The following WIPF2 variants were observed in gnomAD, a reference collection of about 807,000 sequenced individuals.
The protein encoded by WIPF2 is WAS/WASL interacting protein family member 2.
WIPF2 carries 23 observed loss-of-function variants against 38.8 expected under a neutral mutation model. The ratio of observed to expected loss-of-function variants is 0.59; its 90% CI spans 0.43 to 0.84. The LOEUF (loss-of-function observed/expected upper bound fraction) is 0.84. WIPF2 is among the 40% of genes least tolerant of loss of function. The pLI is 0.00. For missense variants in WIPF2, 574 were observed against 580.5 expected (o/e 0.99, Z 0.11); for synonymous variants, 210 against 223.2 (o/e 0.94, Z 0.53).
chr17:40,224,497 C>T (rs1374238492), intron 1 of WIPF2, among the ~76,000 whole-genome samples: 3 of 149,696 alleles, frequency 2.0e-5, no homozygotes, highest in Non-Finnish European at 3.0e-5. Flanking sequence ...CCACCCGCCT[C>T]GGCCTCCCAA....
At chr17:40,260,376 G>C (rs1214809047) in intron 2 of WIPF2, among the ~76,000 whole-genome samples, 159 bp from the exon 3 acceptor site, 1 of 151,426 alleles carries the variant, frequency 6.6e-6, no homozygotes, top group African/African-American at 2.4e-5. Context: ...TAGTAGAGAT[G>C]GGGTTTCACC....
At chr17:40,256,787 T>C (rs1598486858) in intron 2 of WIPF2, among the ~76,000 whole-genome samples, 1 of 152,288 alleles carries the variant, frequency 6.6e-6, no homozygotes, top group South Asian at 2.1e-4. Flanking sequence ...AGTCCATCTT[T>C]TTCAGCTGGT....
intron 5 of WIPF2, among the ~76,000 whole-genome samples, chr17:40,268,274 C>T (rs936381501): frequency 6.6e-6 from 1 of 152,228 alleles, no homozygotes; most frequent in African/African-American, 2.4e-5. Flanking sequence ...ATAGGGCAGC[C>T]AAACAGTGGC....
intron 1 of WIPF2, among the ~76,000 whole-genome samples, chr17:40,226,243 G>A (rs1341721436): frequency 2.0e-5 from 3 of 148,654 alleles, no homozygotes; most frequent in Admixed American, 6.8e-5. Flanking sequence ...TCGTTCTGTC[G>A]GCCAGTCTGG....
intron 1 of WIPF2, among the ~76,000 whole-genome samples, chr17:40,227,831 A>G (rs1040309657): frequency 6.6e-6 from 1 of 151,990 alleles, no homozygotes. Flanking sequence ...CCTGGGTGAC[A>G]GAGCAAGACT....
chr17:40,252,039 C>G (rs193267800), intron 1 of WIPF2, among the ~76,000 whole-genome samples: 4 of 152,292 alleles, frequency 2.6e-5, no homozygotes, highest in Admixed American at 1.3e-4. Flanking sequence ...ATCCTCCCTT[C>G]TTGGCCCCCT....
chr17:40,246,619 A>C (rs192486392), intron 1 of WIPF2, among the ~76,000 whole-genome samples: 1 of 148,298 alleles, frequency 6.7e-6, no homozygotes, highest in Non-Finnish European at 1.5e-5. Context: ...TTGGTCTTGA[A>C]CTCCTGACCT....
At chr17:40,266,366 T>A (rs1379111733) in intron 5 of WIPF2, among the ~76,000 whole-genome samples, 1 of 150,928 alleles carries the variant, frequency 6.6e-6, no homozygotes, top group African/African-American at 2.4e-5. Flanking sequence ...AAACCAAGAA[T>A]GTGATGGAAA....
chr17:40,261,959 C>T (rs1404707643), intron 3 of WIPF2, among the ~76,000 whole-genome samples: 5 of 152,042 alleles, frequency 3.3e-5, no homozygotes, highest in Non-Finnish European at 2.9e-5. Flanking sequence ...GGATTACAGG[C>T]GTGAGCCACC....
chr17:40,266,353 GA>G (rs2032087435), intron 5 of WIPF2, among the ~76,000 whole-genome samples: 1 of 152,058 alleles, frequency 6.6e-6, no homozygotes, highest in African/African-American at 2.4e-5. Context: ...GATGGAAGGA[GA>G]AAAACCAAGA....
chr17:40,270,932 A>C (rs1266778350), intron 5 of WIPF2, among the ~76,000 whole-genome samples: 2 of 150,990 alleles, frequency 1.3e-5, no homozygotes, highest in African/African-American at 4.9e-5. Context: ...TACATGCTTA[A>C]CTATAGTCAC....
intron 4 of WIPF2, among the ~76,000 whole-genome samples, chr17:40,264,175 A>G (rs967305537): frequency 1.3e-5 from 2 of 151,700 alleles, no homozygotes; most frequent in African/African-American, 4.8e-5. Context: ...TCTACTAAAA[A>G]TACAAAAATC....
chr17:40,236,361 C>T (rs1014792072), intron 1 of WIPF2, among the ~76,000 whole-genome samples: 3 of 151,496 alleles, frequency 2.0e-5, no homozygotes, highest in African/African-American at 7.3e-5. Context: ...TCTTTTGAGA[C>T]AGAGAATTGC....
chr17:40,239,699 T>TC (rs1008369579), intron 1 of WIPF2, among the ~76,000 whole-genome samples: 2 of 145,488 alleles, frequency 1.4e-5, no homozygotes, highest in African/African-American at 5.1e-5. Context: ...TTCTTTTTTT[T>TC]TTTTTTTTTT....
In WIPF2 at chr17:40,231,207, C is replaced by T. The variant is rs545357405; in HGVS notation, c.-70+11715C>T. Among the ~76,000 whole-genome samples, 4 of 152,218 alleles carry T rather than the reference C, an allele frequency of 2.6e-5. No homozygotes were observed. In the South Asian group the frequency reaches 8.3e-4, roughly 32 times the overall value. ...GTATTAGAATGTAAGAGAAGAGACT[C>T]CTTGACAATGAAAGTCACAGATTTG... On this transcript the variant is annotated intron_variant, in intron 1 of 7. Transcript: ENST00000323571.
intron 1 of WIPF2, among the ~76,000 whole-genome samples, chr17:40,242,974 A>G (rs1169880533): frequency 4.6e-5 from 7 of 152,138 alleles, no homozygotes; most frequent in African/African-American, 1.7e-4. Flanking sequence ...TATTTAATTT[A>G]CATGGCTTTT....
intron 1 of WIPF2, among the ~76,000 whole-genome samples, chr17:40,229,850 T>C (rs746462981): frequency 6.6e-6 from 1 of 152,202 alleles, no homozygotes; most frequent in Admixed American, 6.5e-5. Flanking sequence ...AATTGACTTT[T>C]AAGGGTGAAA....
At chr17:40,262,722 A>G in intron 4 of WIPF2, 81 bp downstream of exon 4, 1 of 1,139,694 alleles carries the variant, frequency 8.8e-7, no homozygotes, top group Non-Finnish European at 1.3e-6. Flanking sequence ...CAGGTTGAGG[A>G]GTATGGTAGA....
At chr17:40,239,123 A>G (rs180980615) in intron 1 of WIPF2, among the ~76,000 whole-genome samples, 1 of 149,924 alleles carries the variant, frequency 6.7e-6, no homozygotes, top group Non-Finnish European at 1.5e-5. Flanking sequence ...CCAGGCTGGA[A>G]TGCAGTGGTG....
Sources: allele counts gnomAD v4.1 joint callset (sites outside exome capture counted in the v4.1 genomes callset), GRCh38; gene constraint gnomAD v4.1.1; transcripts MANE v1.5; gene names NCBI Gene and HGNC (gene_info 2026-07-23, HGNC 2026-07-21).